TBC1D5: variants seen among roughly 807,000 people sequenced by gnomAD.
TBC1D5 encodes TBC1 domain family member 5, also known as TBC1 domain family, member 5.
A neutral mutation model predicts 100.3 loss-of-function variants in TBC1D5; 75 were observed. That is an observed-to-expected ratio of 0.75 (90% CI 0.62 to 0.91). The LOEUF (loss-of-function observed/expected upper bound fraction) is 0.91, where lower values mean the gene tolerates loss of function less well. Among genes scored for constraint, TBC1D5 ranks in the 40% least tolerant of loss-of-function variants. The pLI is 0.00. For missense variants in TBC1D5, 910 were observed against 942.4 expected (o/e 0.97, Z 0.45); for synonymous variants, 323 against 325.6 (o/e 0.99, Z 0.09).
At chr3:17,631,885 T>C (rs1211473306) in intron 1 of TBC1D5, among the ~76,000 whole-genome samples, 1 of 152,242 alleles carries the variant, frequency 6.6e-6, no homozygotes, top group African/African-American at 2.4e-5. Flanking sequence ...CTGGTGAAGA[T>C]GTACAAGGAG....
intron 3 of TBC1D5, among the ~76,000 whole-genome samples, chr3:17,461,483 A>G (rs1241228398): frequency 2.6e-5 from 4 of 152,216 alleles, no homozygotes; most frequent in African/African-American, 9.6e-5. Flanking sequence ...CCATCACTCC[A>G]TTCACTGGCT....
At chr3:17,638,014 T>C (rs1488879401) in intron 1 of TBC1D5, among the ~76,000 whole-genome samples, 1 of 152,166 alleles carries the variant, frequency 6.6e-6, no homozygotes, top group African/African-American at 2.4e-5. Context: ...GAAATTTTAT[T>C]AAGCAGTCAC....
At chr3:17,202,853 T>C (rs1342106308) in intron 18 of TBC1D5, among the ~76,000 whole-genome samples, 1 of 152,220 alleles carries the variant, frequency 6.6e-6, no homozygotes, top group East Asian at 1.9e-4. Context: ...TGGAAACTGC[T>C]GGATGGTGGA....
intron 3 of TBC1D5, among the ~76,000 whole-genome samples, chr3:17,495,039 C>T (rs571275212): frequency 7.9e-5 from 12 of 152,340 alleles, no homozygotes; most frequent in Middle Eastern, 3.4e-3. Flanking sequence ...GTGCGGCTCC[C>T]GGGTGGCCCC....
At chr3:17,681,019 G>C (rs1293046628) in intron 1 of TBC1D5, among the ~76,000 whole-genome samples, 1 of 151,400 alleles carries the variant, frequency 6.6e-6, no homozygotes, top group Non-Finnish European at 1.5e-5. Context: ...CCACAAAATG[G>C]ATGAGGCATG....
At chr3:17,319,929 T>C (rs1197406993) in intron 13 of TBC1D5, among the ~76,000 whole-genome samples, 2 of 152,106 alleles carry the variant, frequency 1.3e-5, no homozygotes, top group Non-Finnish European at 2.9e-5. Flanking sequence ...TTAACAATGA[T>C]TGCTAAAATG....
chr3:17,170,965 G>A (rs192769387), intron 19 of TBC1D5, among the ~76,000 whole-genome samples: 92 of 152,202 alleles, frequency 6.0e-4, no homozygotes, highest in African/African-American at 8.9e-4. Context: ...GCACAATTTC[G>A]GCACACGTGA....
At chr3:17,197,656 G>C (rs1476982322) in intron 18 of TBC1D5, among the ~76,000 whole-genome samples, 2 of 152,160 alleles carry the variant, frequency 1.3e-5, no homozygotes, top group Non-Finnish European at 2.9e-5. Flanking sequence ...ACAGGCATGA[G>C]TTACTGTGCC....
intron 8 of TBC1D5, among the ~76,000 whole-genome samples, chr3:17,399,871 G>A (rs779645770): frequency 1.3e-5 from 2 of 151,956 alleles, no homozygotes; most frequent in Admixed American, 6.6e-5. Flanking sequence ...ACATGTTCTT[G>A]CCCTAGTTCT....
chr3:17,581,045 T>C (rs2096691681), intron 2 of TBC1D5, among the ~76,000 whole-genome samples: 1 of 152,140 alleles, frequency 6.6e-6, no homozygotes, highest in Admixed American at 6.5e-5. Context: ...AGGGACCTGG[T>C]GGGAAGTAAC....
At chr3:17,232,540 C>T (rs1172260271) in intron 17 of TBC1D5, among the ~76,000 whole-genome samples, 3 of 152,096 alleles carry the variant, frequency 2.0e-5, no homozygotes, top group Admixed American at 6.6e-5. Flanking sequence ...GATCATTTAA[C>T]AGACAGCAAG....
At chr3:17,260,174 G>A (rs749532330) in intron 15 of TBC1D5, among the ~76,000 whole-genome samples, 1 of 152,076 alleles carries the variant, frequency 6.6e-6, no homozygotes, top group Non-Finnish European at 1.5e-5. Flanking sequence ...ATTAACTTTC[G>A]CAGGACTATC....
chr3:17,347,797 G>C (rs540489822), intron 13 of TBC1D5, among the ~76,000 whole-genome samples: 1 of 152,138 alleles, frequency 6.6e-6, no homozygotes, highest in South Asian at 2.1e-4. Flanking sequence ...CCAAGGGCTT[G>C]AGATCAGCCT....
intron 1 of TBC1D5, among the ~76,000 whole-genome samples, chr3:17,628,750 C>T (rs1396206045): frequency 6.6e-6 from 1 of 152,202 alleles, no homozygotes; most frequent in African/African-American, 2.4e-5. Context: ...TATGAATGTA[C>T]TCACTGTACG....
rs9849257 is a variant in TBC1D5 at position 17,341,357 on chromosome 3, C to T, written c.995+30718G>A. 1.1e-3 allele frequency among the ~76,000 whole-genome samples: 174 copies of T among 152,188 alleles called. 1 individual carries two copies. The highest frequency in any genetic ancestry group is 3.8e-3 in the African/African-American group (159 of 41,540). On this transcript the variant is annotated intron_variant, in intron 13 of 21. Coordinates refer to ENST00000253692, the Ensembl canonical transcript of TBC1D5. ...GACTACAGGCGGCCGCCACCACGCCCGGCTAATTTTTTGTATTTTTAGTAG... is the reference window on the plus strand; with the variant it reads ...GACTACAGGCGGCCGCCACCACGCCTGGCTAATTTTTTGTATTTTTAGTAG...
At chr3:17,639,351 A>C (rs560517503) in intron 1 of TBC1D5, among the ~76,000 whole-genome samples, 1 of 152,200 alleles carries the variant, frequency 6.6e-6, no homozygotes, top group East Asian at 1.9e-4. Flanking sequence ...TAAATAAATA[A>C]ATTGTTGCCT....
chr3:17,512,437 T>A (rs1044853870), intron 2 of TBC1D5, among the ~76,000 whole-genome samples: 3 of 152,126 alleles, frequency 2.0e-5, no homozygotes, highest in African/African-American at 7.2e-5. Flanking sequence ...CTATCCTTAA[T>A]TTTCTCTTAT....
intron 4 of TBC1D5, among the ~76,000 whole-genome samples, chr3:17,409,464 T>C (rs568256290): frequency 6.6e-6 from 1 of 152,258 alleles, no homozygotes; most frequent in African/African-American, 2.4e-5. Flanking sequence ...AGAAGAGTCA[T>C]AGGTCTCTTA....
chr3:17,610,265 A>G (rs9284837), intron 2 of TBC1D5, among the ~76,000 whole-genome samples: 118,517 of 152,092 alleles, frequency 0.78, 47,090 homozygotes, highest in African/African-American at 0.95. Context: ...GTTCACTGCA[A>G]CCTCAACCTC....
Sources: gnomAD v4.1 joint callset for allele counts (sites outside exome capture counted in the v4.1 genomes callset) on GRCh38, gnomAD v4.1.1 for gene constraint, MANE v1.5 for transcripts, NCBI Gene and HGNC (gene_info 2026-07-23, HGNC 2026-07-21) for gene names.